The following CACNA1I variants were observed in gnomAD, a reference collection of about 807,000 sequenced individuals.
CACNA1I encodes calcium voltage-gated channel subunit alpha1 I, also known as voltage-dependent T-type calcium channel subunit alpha-1I.
A neutral mutation model predicts 201.6 loss-of-function variants in CACNA1I; 74 were observed. The observed-to-expected ratio is 0.37, with a 90% CI of 0.30 to 0.45. The LOEUF is 0.45. Ranked by LOEUF, CACNA1I falls within the 20% of genes least tolerant of loss-of-function variation. CACNA1I has a pLI of 1.00. For synonymous variants in CACNA1I, 1,431 were observed against 1,345.2 expected, an observed-to-expected ratio of 1.06 and a Z score of -1.40; for missense variants, 2,346 against 3,138.1, an observed-to-expected ratio of 0.75 and a Z score of 6.03.
intron 10 of CACNA1I, among the ~76,000 whole-genome samples, chr22:39,654,804 G>T (rs1324877469): frequency 6.6e-6 from 1 of 152,120 alleles, no homozygotes; most frequent in African/African-American, 2.4e-5. Flanking sequence ...TCCCCCAAAA[G>T]GACCCTGAGT....
chr22:39,605,001 G>A (rs1156919498), intron 3 of CACNA1I, among the ~76,000 whole-genome samples: 3 of 151,968 alleles, frequency 2.0e-5, no homozygotes, highest in Non-Finnish European at 4.4e-5. Context: ...GGGTGGCGTG[G>A]GTGGAGAGGA....
intron 4 of CACNA1I, among the ~76,000 whole-genome samples, chr22:39,632,300 T>C (rs1166682103): frequency 6.6e-6 from 1 of 152,154 alleles, no homozygotes; most frequent in East Asian, 1.9e-4. Context: ...CCATTCTTTT[T>C]TGAAGCTCAG....
At chr22:39,578,925 C>T (rs747830942) in intron 1 of CACNA1I, among the ~76,000 whole-genome samples, 15 of 152,306 alleles carry the variant, frequency 9.8e-5, no homozygotes, top group Non-Finnish European at 1.8e-4. Context: ...TGATGCCCTT[C>T]CCCATCGCCG....
In CACNA1I at chr22:39,684,018, A is replaced by G. The variant is rs184188698; in HGVS notation, c.5831-284A>G. Among the ~76,000 whole-genome samples the G allele has an allele frequency of 5.1e-3, 783 of 152,266 alleles. 18 individuals carry two copies. Among genetic ancestry groups the G allele is most frequent in the East Asian group, 8.7e-3 (45 of 5,172 alleles). On this transcript the variant is annotated intron_variant, in intron 35 of 36. Coordinates refer to ENST00000402142, the MANE Select transcript of CACNA1I (RefSeq NM_021096.4). The surrounding 1 kb of genome is among the most constrained non-coding windows in gnomAD (Gnocchi z 4.6). Reference sequence around the variant, plus strand: ...GCATCTTGTTCCCTTTTACAGAGGAAGAGAGCTAGGCTTGAGCCCGCGTCT... The same window carrying G: ...GCATCTTGTTCCCTTTTACAGAGGAGGAGAGCTAGGCTTGAGCCCGCGTCT...
chr22:39,681,463 C>T (rs191281483), intron 34 of CACNA1I, among the ~76,000 whole-genome samples: 132 of 152,292 alleles, frequency 8.7e-4, no homozygotes, highest in African/African-American at 3.1e-3. Context: ...GCGCTCTGCC[C>T]GTGCCACCTG....
chr22:39,634,736 C>A lies in CACNA1I; in HGVS notation c.740+12C>A, dbSNP rs748310654. 4 of 1,609,998 alleles carry A rather than the reference C, an allele frequency of 2.5e-6. No individual in the cohort carries two copies. The highest frequency in any genetic ancestry group is 3.4e-6 in the Non-Finnish European group (4 of 1,177,232). ...GAGAACTTCACCATGTGAGTTCATC[C>A]CCTGCCACCCATGCAGCTCCGGGGA... is the stretch of plus-strand genomic sequence containing the variant. On this transcript the variant is annotated intron_variant, in intron 5 of 36. Coordinates refer to ENST00000402142, the MANE Select transcript of CACNA1I (RefSeq NM_021096.4).
chr22:39,635,130 A>T (rs910283766), intron 5 of CACNA1I, among the ~76,000 whole-genome samples: 1 of 152,000 alleles, frequency 6.6e-6, no homozygotes, highest in Non-Finnish European at 1.5e-5. Flanking sequence ...CACCTATAGA[A>T]CCCGTGCTTC....
At chr22:39,584,271 G>A (rs1410502078) in intron 1 of CACNA1I, among the ~76,000 whole-genome samples, 1 of 152,174 alleles carries the variant, frequency 6.6e-6, no homozygotes, top group Non-Finnish European at 1.5e-5. Context: ...GGGAAGGGAG[G>A]TTCCAGAGAG....
rs547185871 is a variant in CACNA1I, at chr22:39,672,377, T to C, written c.4649+69T>C. The C allele has an allele frequency of 1.5e-5, 16 of 1,088,296 alleles. No homozygotes were observed. In the African/African-American group the frequency reaches 2.5e-4, roughly 17 times the overall value. 67.4% of individuals were successfully genotyped at this position (1,088,296 alleles called of 1,614,324 possible). A position where few individuals can be genotyped will look rare whatever the true frequency, so the allele number is the denominator to read the frequency against. On this transcript the variant is annotated intron_variant, in intron 27 of 36. Coordinates refer to ENST00000402142, the MANE Select transcript of CACNA1I (RefSeq NM_021096.4). ...AGGATGAAGAAGCAGTCCTGACCCT[T>C]AGGGAAGTCTGGAGCAGCCTGAAGA... is the stretch of plus-strand genomic sequence containing the variant.
intron 1 of CACNA1I, among the ~76,000 whole-genome samples, chr22:39,580,258 T>C (rs1932505008): frequency 6.6e-6 from 1 of 152,158 alleles, no homozygotes; most frequent in South Asian, 2.1e-4. Flanking sequence ...GTCTGGGAAA[T>C]TGTCCGTTTC....
In CACNA1I at chr22:39,662,330, C is replaced by T. The variant is rs1935049610; in HGVS notation, c.3267C>T (p.Pro1089=). 6.8e-7 allele frequency: 1 copy of T among 1,477,678 alleles called. No individual in the cohort carries two copies. The highest frequency in any genetic ancestry group is 1.5e-5 in the African/African-American group (1 of 67,532). 91.5% of individuals were successfully genotyped at this position (1,477,678 alleles called of 1,614,324 possible). ...RAAWRAAGPA[P]GHEDCNGRMP... The stretch of plus-strand genomic sequence containing the variant: ...CCTGGAGGGCGGCAGGCCCGGCCCC[C>T]GGGCATGAGGACTGCAATGGCAGGA... Residue 1089 remains proline, a synonymous_variant, in exon 17 of 37, where the codon CCC becomes CCT. Transcript: ENST00000402142.
At chr22:39,645,600 C>A (rs1266306379) in intron 7 of CACNA1I, among the ~76,000 whole-genome samples, 4 of 152,170 alleles carry the variant, frequency 2.6e-5, no homozygotes, top group Non-Finnish European at 5.9e-5. Context: ...GTCCTCTGGG[C>A]CAGCAACCCT....
intron 4 of CACNA1I, among the ~76,000 whole-genome samples, chr22:39,619,772 C>T (rs1569065237): frequency 6.6e-6 from 1 of 152,088 alleles, no homozygotes; most frequent in African/African-American, 2.4e-5. Flanking sequence ...TGAAGGAGGA[C>T]GTCGTAGAGC....
intron 24 of CACNA1I, among the ~76,000 whole-genome samples, chr22:39,669,172 C>T (rs1395732030): frequency 6.6e-6 from 1 of 152,152 alleles, no homozygotes; most frequent in Non-Finnish European, 1.5e-5. Flanking sequence ...AGACAGGGCC[C>T]ACTCAGTGGT....
intron 1 of CACNA1I, among the ~76,000 whole-genome samples, chr22:39,577,814 C>T (rs1055481249): frequency 4.6e-5 from 7 of 152,202 alleles, no homozygotes; most frequent in African/African-American, 1.7e-4. Flanking sequence ...ACCCCAGGGT[C>T]GGTGGCTTGG....
chr22:39,647,909 A>G lies in CACNA1I; in HGVS notation c.1550A>G (p.Asn517Ser), dbSNP rs922464778. The G allele has an allele frequency of 1.2e-6, 2 of 1,613,442 alleles. No homozygotes were observed. Among genetic ancestry groups the G allele is most frequent in the African/African-American group, 2.7e-5 (2 of 74,912 alleles). ...QTLHGPASPG[N>S]DHSGRELCPQ... is the part of the protein sequence containing the mutation. ...TTGCATGGGCCTGCCTCCCCTGGAA[A>G]TGATCACTCGGGAAGAGGCAAGCCA... The change falls in exon 9 of 37, where the codon AAT becomes AGT. Residue 517 changes from asparagine (N) to serine (S), a missense_variant. This residue lies in a region of CACNA1I where 312 missense variants were observed against 331.5 expected (regional missense o/e 0.94). Transcript: ENST00000402142.
intron 1 of CACNA1I, among the ~76,000 whole-genome samples, chr22:39,579,579 G>A (rs1196313137): frequency 2.0e-5 from 3 of 152,184 alleles, no homozygotes; most frequent in Non-Finnish European, 4.4e-5. Flanking sequence ...TTTACTCATG[G>A]TGGAAGGGCA....
chr22:39,659,515 G>A lies in CACNA1I; in HGVS notation c.2413G>A (p.Asp805Asn), dbSNP rs755643922. ...GDTVPDRKNFDSLLWAIVTVF... is the reference protein window; with the variant it reads ...GDTVPDRKNFNSLLWAIVTVF... ...CACGGTGCCCGACAGGAAGAACTTC[G>A]ACTCCCTGCTGTGGGCCATCGTCAC... Residue 805 changes from aspartate (D) to asparagine (N), a missense_variant, in exon 13 of 37, where the codon GAC becomes AAC. By Grantham distance (23) the Asp-to-Asn change is conservative. Transcript: ENST00000402142. This position sits in a 1 kb window ranked among gnomAD's most constrained non-coding sequence, Gnocchi z 4.3. The A allele has an allele frequency of 3.8e-6, 6 of 1,599,052 alleles. No homozygotes were observed. The highest frequency in any genetic ancestry group is 2.2e-5 in the South Asian group (2 of 89,366).
At chr22:39,625,941 A>T (rs1014894128) in intron 4 of CACNA1I, among the ~76,000 whole-genome samples, 3 of 152,138 alleles carry the variant, frequency 2.0e-5, no homozygotes, top group African/African-American at 7.2e-5. Flanking sequence ...CTCCAGTAAG[A>T]AACGAGGGCA....
Sources: allele counts gnomAD v4.1 joint callset (sites outside exome capture counted in the v4.1 genomes callset), GRCh38; gene constraint gnomAD v4.1.1; regional missense constraint gnomAD v4.1.1; non-coding constraint Gnocchi (gnomAD v3.1); transcripts MANE v1.5; gene names NCBI Gene and HGNC (gene_info 2026-07-23, HGNC 2026-07-21).